Variants in PDE6C observed in about 807,000 individuals in gnomAD.
The protein encoded by PDE6C is cone cGMP-specific 3',5'-cyclic phosphodiesterase subunit alpha'.
In PDE6C, 75 loss-of-function variants were observed where a neutral mutation model predicts 113.1. The observed-to-expected ratio is 0.66, with a 90% CI of 0.55 to 0.80. PDE6C has a LOEUF of 0.80. PDE6C is among the 30% of genes least tolerant of loss of function. The pLI, the probability that PDE6C is intolerant of heterozygous loss-of-function variation, is 0.00. For synonymous variants in PDE6C, 375 were observed against 363.7 expected (o/e 1.03, Z -0.35); for missense variants, 912 against 1,038.6 (o/e 0.88, Z 1.67).
chr10:93,628,392 C>T (rs184638648), intron 7 of PDE6C, among the ~76,000 whole-genome samples: 182 of 152,240 alleles, frequency 1.2e-3, no homozygotes, highest in African/African-American at 3.9e-3. Context: ...CGAGACCAGC[C>T]TGGCCAACAT....
intron 1 of PDE6C, among the ~76,000 whole-genome samples, chr10:93,613,714 C>T (rs1336636757): frequency 6.6e-6 from 1 of 152,152 alleles, no homozygotes; most frequent in Non-Finnish European, 1.5e-5. Context: ...CATCTATCGA[C>T]CAAATGTGCA....
intron 15 of PDE6C, 126 bp from the exon 16 acceptor site, chr10:93,655,634 G>GAAAAAAAAAA (rs2058634025): frequency 1.9e-6 from 1 of 525,918 alleles, no homozygotes; most frequent in East Asian, 3.3e-5. Context: ...AAAAAGGAAG[G>GAAAAAAAAAA]AAAACAAAAA....
intron 15 of PDE6C, among the ~76,000 whole-genome samples, chr10:93,651,603 T>C (rs529153149): frequency 6.6e-6 from 1 of 152,158 alleles, no homozygotes; most frequent in Non-Finnish European, 1.5e-5. Context: ...GGGATTACAA[T>C]TCGAGATGAG....
chr10:93,645,355 G>C (rs2058579445), intron 14 of PDE6C, among the ~76,000 whole-genome samples: 1 of 152,134 alleles, frequency 6.6e-6, no homozygotes, highest in Non-Finnish European at 1.5e-5. Flanking sequence ...TACCAGCCAT[G>C]TTTTTTATTT....
At chr10:93,659,500 T>C (rs905535610) in intron 18 of PDE6C, among the ~76,000 whole-genome samples, 1 of 152,116 alleles carries the variant, frequency 6.6e-6, no homozygotes, top group Non-Finnish European at 1.5e-5. Flanking sequence ...GGGTAATTTA[T>C]AAAGGAAAGA....
rs566783702 is a variant in PDE6C, at chr10:93,635,647, G to C, written c.1413+7G>C. 6.2e-7 allele frequency: 1 copy of C among 1,613,428 alleles called. No homozygotes were observed. The highest frequency in any genetic ancestry group is 1.1e-5 in the South Asian group (1 of 91,040). ...AGAAATTAAGTCCATTTTGGTAAGT[G>C]GGAAATTCAGTCCTGTGGACATAAG... is the stretch of plus-strand genomic sequence containing the variant. On this transcript the variant is annotated splice_region_variant and intron_variant, in intron 10 of 21. Coordinates refer to ENST00000371447, the MANE Select transcript of PDE6C (RefSeq NM_006204.4).
intron 15 of PDE6C, 117 bp downstream of exon 15, chr10:93,646,164 T>C: frequency 1.5e-6 from 1 of 678,110 alleles, no homozygotes; most frequent in East Asian, 2.7e-5. Context: ...GTGTATACCC[T>C]TGTTGAAGTC....
intron 15 of PDE6C, among the ~76,000 whole-genome samples, chr10:93,652,331 G>T (rs2058612998): frequency 6.6e-6 from 1 of 152,144 alleles, no homozygotes; most frequent in African/African-American, 2.4e-5. Context: ...AAGTCAATTA[G>T]AAGCTCTTCT....
At chr10:93,631,893 C>T in intron 8 of PDE6C, among the ~76,000 whole-genome samples, 1 of 152,234 alleles carries the variant, frequency 6.6e-6, no homozygotes, top group East Asian at 1.9e-4. Context: ...CACGAATTGC[C>T]ACTGAGTGGT....
At chr10:93,663,251 G>A in intron 21 of PDE6C, 73 bp downstream of exon 21, 1 of 1,430,882 alleles carries the variant, frequency 7.0e-7, no homozygotes, top group Non-Finnish European at 9.7e-7. Context: ...ATGTGACAAA[G>A]CCATAAAGAG....
chr10:93,631,572 T>A (rs1250181560), intron 8 of PDE6C, among the ~76,000 whole-genome samples: 1 of 150,972 alleles, frequency 6.6e-6, no homozygotes, highest in Non-Finnish European at 1.5e-5. Flanking sequence ...GTCTGATGTC[T>A]CTCTCAGCAC....
intron 1 of PDE6C, among the ~76,000 whole-genome samples, chr10:93,616,863 A>G (rs1041458040): frequency 6.6e-6 from 1 of 152,170 alleles, no homozygotes; most frequent in Non-Finnish European, 1.5e-5. Context: ...CATGTTGGCC[A>G]GGCTCGTCTT....
intron 11 of PDE6C, among the ~76,000 whole-genome samples, chr10:93,637,876 A>G (rs1236364094): frequency 6.6e-6 from 1 of 152,224 alleles, no homozygotes; most frequent in East Asian, 1.9e-4. Context: ...AAAAAATCAG[A>G]TATTGTAGAT....
In PDE6C at chr10:93,613,112, C is replaced by T; in HGVS notation, c.387C>T (p.Gly129=). Residue 129 remains glycine, a synonymous_variant, in exon 1 of 22, where the codon GGC becomes GGT. Transcript: ENST00000371447. ...CCAAGTTTGAGGACAACCTGGTGGG[C>T]CCTGACAAAGAAGTTGTGTTTCCAT... is the stretch of plus-strand genomic sequence containing the variant. ...PTSKFEDNLV[G]PDKEVVFPLD... 1 of 1,614,124 alleles carries T rather than the reference C, an allele frequency of 6.2e-7. No homozygotes were observed. The highest frequency in any genetic ancestry group is 8.5e-7 in the Non-Finnish European group (1 of 1,180,036).
intron 1 of PDE6C, among the ~76,000 whole-genome samples, chr10:93,617,757 A>G (rs1183771742): frequency 6.6e-6 from 1 of 152,204 alleles, no homozygotes. Flanking sequence ...CTGGGCAACG[A>G]GAGCAAAACT....
rs866876261 is a variant in PDE6C at position 93,658,182 on chromosome 10, A to G, written c.2037-719A>G. 1.0e-3 allele frequency among the ~76,000 whole-genome samples: 149 copies of G among 145,268 alleles called. 1 individual carries two copies. The highest frequency in any genetic ancestry group is 3.5e-3 in the Middle Eastern group (1 of 286). Reference sequence around the variant, plus strand: ...AAGATTCTGTCTCAAAAAAAAAAAAAAAAAAAAAAAGAAAAAGAAAAAGAA... The same window carrying G: ...AAGATTCTGTCTCAAAAAAAAAAAAGAAAAAAAAAAGAAAAAGAAAAAGAA... On this transcript the variant is annotated intron_variant, in intron 16 of 21. Transcript: ENST00000371447.
intron 21 of PDE6C, among the ~76,000 whole-genome samples, chr10:93,664,420 CG>C (rs2058680680): frequency 6.6e-6 from 1 of 152,094 alleles, no homozygotes; most frequent in African/African-American, 2.4e-5. Context: ...GTAAAGAGTG[CG>C]AAGTACATAT....
At chr10:93,645,877 G>T in intron 14 of PDE6C, 83 bp from the exon 15 acceptor site, 1 of 795,124 alleles carries the variant, frequency 1.3e-6, no homozygotes, top group Non-Finnish European at 2.2e-6. Context: ...GGAGAAGAGA[G>T]ACATTAAGAA....
Position 93,665,541 on chromosome 10 carries a change from T to A in PDE6C, c.*123T>A. 1 of 731,742 alleles carries A rather than the reference T, an allele frequency of 1.4e-6. No homozygotes were observed. Among genetic ancestry groups the A allele is most frequent in the Non-Finnish European group, 2.4e-6 (1 of 416,558 alleles). The allele number at this position is 731,742 out of a possible 1,614,324, so 45.3% of individuals were successfully genotyped here. A position where few individuals can be genotyped will look rare whatever the true frequency, so the allele number is the denominator to read the frequency against. On this transcript the variant is annotated 3_prime_UTR_variant, in exon 22 of 22. Coordinates refer to ENST00000371447, the MANE Select transcript of PDE6C (RefSeq NM_006204.4). ...CTTCAGAAAAACTACCCTGTGACTA[T>A]GAAGAAAATATATATTGCTAGCCCA...
Sources: gnomAD v4.1 joint callset for allele counts (sites outside exome capture counted in the v4.1 genomes callset) on GRCh38, gnomAD v4.1.1 for gene constraint, MANE v1.5 for transcripts, NCBI Gene and HGNC (gene_info 2026-07-23, HGNC 2026-07-21) for gene names.